ZFAND4: variants seen among roughly 807,000 people sequenced by gnomAD.
The protein encoded by ZFAND4 is AN1-type zinc finger protein 4.
A neutral mutation model predicts 64.4 loss-of-function variants in ZFAND4; 43 were observed. The observed-to-expected ratio is 0.67, with a 90% confidence interval of 0.52 to 0.86. The LOEUF (loss-of-function observed/expected upper bound fraction) is 0.86. Among genes scored for constraint, ZFAND4 ranks in the 40% least tolerant of loss-of-function variants. The pLI is 0.00. For missense variants in ZFAND4, 929 were observed against 859.8 expected, an observed-to-expected ratio of 1.08 and a Z score of -1.01; for synonymous variants, 296 against 305.7, an observed-to-expected ratio of 0.97 and a Z score of 0.33.
At chr10:45,648,217 G>A (rs1384766087) in intron 5 of ZFAND4, 77 bp downstream of exon 5, 2 of 1,383,242 alleles carry the variant, frequency 1.4e-6, no homozygotes, top group Non-Finnish European at 1.9e-6. Flanking sequence ...GGCTGGGGCA[G>A]GAATGAGATG....
At chr10:45,671,195 G>A (rs1386591066) in intron 1 of ZFAND4, among the ~76,000 whole-genome samples, 1 of 152,208 alleles carries the variant, frequency 6.6e-6, no homozygotes, top group Non-Finnish European at 1.5e-5. Context: ...TGCTGGAGAG[G>A]ATGTGTAGAA....
At chr10:45,623,164 T>C (rs1415235554) in intron 8 of ZFAND4, among the ~76,000 whole-genome samples, 2 of 152,192 alleles carry the variant, frequency 1.3e-5, no homozygotes, top group Admixed American at 1.3e-4. Context: ...TTTTGCACTG[T>C]CGATGGAATG....
intron 2 of ZFAND4, among the ~76,000 whole-genome samples, chr10:45,662,323 T>G (rs942202932): frequency 6.6e-6 from 1 of 152,222 alleles, no homozygotes; most frequent in Non-Finnish European, 1.5e-5. Flanking sequence ...AAACTAAATA[T>G]TTCCCTTGGA....
intron 5 of ZFAND4, among the ~76,000 whole-genome samples, chr10:45,642,538 C>T (rs965997336): frequency 4.9e-5 from 7 of 143,832 alleles, no homozygotes; most frequent in Non-Finnish European, 9.0e-5. Flanking sequence ...ACCCGGGAGG[C>T]AGAGCTTGCA....
At position 45,639,978 on chromosome 10, in the gene ZFAND4, A is replaced by G. The variant is rs1034458083; in HGVS notation, c.570-15T>C. 1.6e-5 allele frequency: 25 copies of G among 1,593,744 alleles called. No individual in the cohort carries two copies. The South Asian group carries it at 2.3e-4, about 15-fold the overall frequency. Reference sequence around the variant, plus strand: ...TAGAACCACCACTGCAAAGAAAACAATAACTACTTGAAATTTTTCTGATAC... The same window carrying G: ...TAGAACCACCACTGCAAAGAAAACAGTAACTACTTGAAATTTTTCTGATAC... On this transcript the variant is annotated splice_polypyrimidine_tract_variant and intron_variant, in intron 5 of 9. Coordinates refer to ENST00000344646, the MANE Select transcript of ZFAND4 (RefSeq NM_174890.4).
chr10:45,671,226 T>C (rs962954275), intron 1 of ZFAND4, among the ~76,000 whole-genome samples: 8 of 152,232 alleles, frequency 5.3e-5, no homozygotes, highest in Non-Finnish European at 1.2e-4. Flanking sequence ...TTTTACACTG[T>C]TGGTGGGACT....
chr10:45,645,787 T>A (rs996761631), intron 5 of ZFAND4, among the ~76,000 whole-genome samples: 1 of 152,208 alleles, frequency 6.6e-6, no homozygotes, highest in Non-Finnish European at 1.5e-5. Context: ...GGTCTAGCAG[T>A]GTTTTTATAC....
chr10:45,658,363 T>A (rs1239465826), intron 2 of ZFAND4, among the ~76,000 whole-genome samples: 1 of 152,168 alleles, frequency 6.6e-6, no homozygotes, highest in South Asian at 2.1e-4. Flanking sequence ...ATGTGACAGA[T>A]TCTACAGCCC....
At chr10:45,639,727 A>ATTTTTT in intron 6 of ZFAND4, 89 bp downstream of exon 6, 1 of 1,432,952 alleles carries the variant, frequency 7.0e-7, no homozygotes, top group Non-Finnish European at 9.3e-7. Context: ...ATACTTTATA[A>ATTTTTT]TTTTTTCACA....
chr10:45,640,209 T>C (rs1398703651), intron 5 of ZFAND4: 4 of 1,245,502 alleles, frequency 3.2e-6, no homozygotes, highest in Non-Finnish European at 4.1e-6. Context: ...CTGAATTCAG[T>C]ATATCATAAA....
At chr10:45,619,152 C>T (rs969973994) in intron 8 of ZFAND4, among the ~76,000 whole-genome samples, 2 of 151,854 alleles carry the variant, frequency 1.3e-5, no homozygotes, top group Non-Finnish European at 2.9e-5. Flanking sequence ...GGTTCTTCTG[C>T]CTCAGCCTCC....
At chr10:45,669,780 C>G (rs2049058699) in intron 1 of ZFAND4, among the ~76,000 whole-genome samples, 1 of 152,130 alleles carries the variant, frequency 6.6e-6, no homozygotes, top group South Asian at 2.1e-4. Context: ...TGACAAAAAC[C>G]ACATGATTAT....
chr10:45,635,807 A>G (rs1362728001), intron 6 of ZFAND4, among the ~76,000 whole-genome samples: 1 of 152,246 alleles, frequency 6.6e-6, no homozygotes, highest in Non-Finnish European at 1.5e-5. Context: ...TTGGTTGCAC[A>G]ACACTGTGTT....
intron 1 of ZFAND4, among the ~76,000 whole-genome samples, chr10:45,668,016 T>C (rs2048945796): frequency 6.6e-6 from 1 of 152,250 alleles, no homozygotes; most frequent in Admixed American, 6.5e-5. Flanking sequence ...CAAACGCTTT[T>C]TTCATTGTCT....
At chr10:45,653,309 T>A (rs890966538) in intron 2 of ZFAND4, among the ~76,000 whole-genome samples, 1 of 152,124 alleles carries the variant, frequency 6.6e-6, no homozygotes, top group Non-Finnish European at 1.5e-5. Flanking sequence ...AAACAAGGTA[T>A]AAGATAGGGA....
At chr10:45,644,385 C>G (rs1271732653) in intron 5 of ZFAND4, among the ~76,000 whole-genome samples, 2 of 152,172 alleles carry the variant, frequency 1.3e-5, no homozygotes, top group Non-Finnish European at 2.9e-5. Flanking sequence ...GCATTCATCA[C>G]AATATTCCCA....
intron 6 of ZFAND4, among the ~76,000 whole-genome samples, chr10:45,628,898 A>G (rs1304751043): frequency 7.3e-6 from 1 of 136,800 alleles, no homozygotes; most frequent in Non-Finnish European, 1.6e-5. Context: ...AGCTTCACCA[A>G]AAAAAAAAAA....
intron 1 of ZFAND4, among the ~76,000 whole-genome samples, chr10:45,670,900 T>C (rs1326295293): frequency 2.0e-5 from 3 of 152,180 alleles, no homozygotes; most frequent in Admixed American, 6.5e-5. Flanking sequence ...ACAGGCAACC[T>C]ACAGAATGGG....
rs2044982624 is a variant in ZFAND4, at chr10:45,616,702, C to T, written c.2049-131G>A. 3.0e-5 allele frequency: 24 copies of T among 788,876 alleles called. No homozygotes were observed. In the South Asian group the frequency reaches 3.7e-4, roughly 12 times the overall value. 48.9% of individuals were successfully genotyped at this position (788,876 alleles called of 1,614,324 possible). A position where few individuals can be genotyped will look rare whatever the true frequency, so the allele number is the denominator to read the frequency against. On this transcript the variant is annotated intron_variant, in intron 9 of 9. Transcript: ENST00000344646. Reference sequence around the variant, plus strand: ...TTCTTTTTAGCAATTTCACTGCTGACATTTCCCTTCCATTCGTAAACAAGC... The same window carrying T: ...TTCTTTTTAGCAATTTCACTGCTGATATTTCCCTTCCATTCGTAAACAAGC...
Sources: gnomAD v4.1 joint callset for allele counts (sites outside exome capture counted in the v4.1 genomes callset) on GRCh38, gnomAD v4.1.1 for gene constraint, MANE v1.5 for transcripts, NCBI Gene and HGNC (gene_info 2026-07-23, HGNC 2026-07-21) for gene names.